The following IFT140 variants were observed in gnomAD, a reference collection of about 807,000 sequenced individuals.
IFT140 encodes intraflagellar transport 140, also known as intraflagellar transport protein 140 homolog.
In IFT140, 133 loss-of-function variants were observed where a neutral mutation model predicts 164.6. The ratio of observed to expected loss-of-function variants is 0.81; its 90% CI spans 0.70 to 0.93. The LOEUF (loss-of-function observed/expected upper bound fraction) is 0.93, where lower values mean the gene tolerates loss of function less well. IFT140 is among the 40% of genes least tolerant of loss of function. The pLI is 0.00. For synonymous variants in IFT140, 860 were observed against 817.3 expected (o/e 1.05, Z -0.89); for missense variants, 2,045 against 1,972.3 (o/e 1.04, Z -0.70).
At position 1,525,175 on chromosome 16, in the gene IFT140, C is replaced by T. The variant is rs2040647687; in HGVS notation, c.2864+56G>A. ...GAGCCGTCTCAGCAAGCCCTGGGGT[C>T]CCTGCAAACCTCCAGGATGGAGTGC... is the stretch of plus-strand genomic sequence containing the variant. On this transcript the variant is annotated intron_variant, in intron 22 of 30. Transcript: ENST00000426508. 4 of 1,394,038 alleles carry T rather than the reference C, an allele frequency of 2.9e-6. No individual in the cohort carries two copies. In the African/African-American group the frequency reaches 4.2e-5, roughly 15 times the overall value. 86.4% of individuals were successfully genotyped at this position (1,394,038 alleles called of 1,614,324 possible). A position where few individuals can be genotyped will look rare whatever the true frequency, so the allele number is the denominator to read the frequency against.
intron 19 of IFT140, among the ~76,000 whole-genome samples, chr16:1,549,038 G>C (rs904057475): frequency 6.6e-6 from 1 of 152,230 alleles, no homozygotes; most frequent in Non-Finnish European, 1.5e-5. Flanking sequence ...CGGTGCCCCT[G>C]CCTGCTCTGG....
intron 17 of IFT140, among the ~76,000 whole-genome samples, chr16:1,562,389 C>G (rs1328003003): frequency 6.6e-6 from 1 of 152,188 alleles, no homozygotes; most frequent in African/African-American, 2.4e-5. Context: ...AAAGGCTCAT[C>G]ATTCCCACCC....
chr16:1,566,757 TTC>T (rs2033740992), intron 15 of IFT140, among the ~76,000 whole-genome samples: 1 of 152,040 alleles, frequency 6.6e-6, no homozygotes, highest in Non-Finnish European at 1.5e-5. Flanking sequence ...ACCCTGTGCT[TTC>T]TCTCTCTTTT....
intron 18 of IFT140, among the ~76,000 whole-genome samples, chr16:1,558,725 C>T (rs1362102208): frequency 1.3e-5 from 2 of 152,248 alleles, no homozygotes; most frequent in South Asian, 2.1e-4. Context: ...GGGCTCTGCA[C>T]GCGCTCTCTG....
chr16:1,566,727 TC>T (rs1283105583), intron 15 of IFT140, among the ~76,000 whole-genome samples: 1 of 152,054 alleles, frequency 6.6e-6, no homozygotes, highest in East Asian at 1.9e-4. Flanking sequence ...CCCCGTGTTC[TC>T]CCCCATGGCA....
chr16:1,604,675 C>T (rs1475080243), intron 3 of IFT140, among the ~76,000 whole-genome samples: 1 of 152,072 alleles, frequency 6.6e-6, no homozygotes, highest in African/African-American at 2.4e-5. Flanking sequence ...GCACAGCTGC[C>T]ACAGTAGGAA....
chr16:1,517,343 C>T (rs2040391038), intron 30 of IFT140, among the ~76,000 whole-genome samples: 1 of 133,500 alleles, frequency 7.5e-6, no homozygotes, highest in African/African-American at 3.3e-5. Context: ...GAGTGAGACT[C>T]CGTCTCCAAA....
chr16:1,525,396 G>A, intron 21 of IFT140, 70 bp from the exon 22 acceptor site: 3 of 1,171,524 alleles, frequency 2.6e-6, no homozygotes, highest in Non-Finnish European at 3.8e-6. Context: ...GTGGGCTGAG[G>A]GGCAGCGTCG....
chr16:1,584,554 G>C, intron 10 of IFT140, 134 bp from the exon 11 acceptor site: 1 of 697,132 alleles, frequency 1.4e-6, no homozygotes, highest in East Asian at 2.7e-5. Context: ...CTTAAAAAAT[G>C]ATCTTATAAG....
intron 2 of IFT140, among the ~76,000 whole-genome samples, chr16:1,608,356 T>C (rs2036177767): frequency 1.3e-5 from 2 of 152,204 alleles, no homozygotes; most frequent in African/African-American, 4.8e-5. Flanking sequence ...TTTAAAATTA[T>C]ACAGGCTCAT....
chr16:1,600,856 C>CGGTT (rs2035758785), intron 4 of IFT140, among the ~76,000 whole-genome samples: 1 of 151,474 alleles, frequency 6.6e-6, no homozygotes, highest in African/African-American at 2.4e-5. Context: ...ATAAAACAAC[C>CGGTT]AGTCTACATC....
At chr16:1,591,661 CG>C (rs1853691440) in intron 6 of IFT140, among the ~76,000 whole-genome samples, 1 of 152,162 alleles carries the variant, frequency 6.6e-6, no homozygotes, top group Non-Finnish European at 1.5e-5. Context: ...CTGTCCCCCT[CG>C]TACAGTGAGG....
intron 12 of IFT140, 36 bp from the exon 13 acceptor site, chr16:1,580,886 T>C: frequency 3.5e-6 from 5 of 1,424,090 alleles, no homozygotes; most frequent in Non-Finnish European, 5.0e-6. Flanking sequence ...TGGCGGCCGC[T>C]CATCCGCCAG....
intron 19 of IFT140, among the ~76,000 whole-genome samples, chr16:1,537,150 A>C (rs562878709): frequency 2.0e-5 from 3 of 152,118 alleles, no homozygotes; most frequent in Admixed American, 2.0e-4. Flanking sequence ...TCACAATTCC[A>C]TCCCGAGAAC....
At chr16:1,587,373 A>C (rs1729113158) in intron 8 of IFT140, 69 bp from the exon 9 acceptor site, 6 of 951,030 alleles carry the variant, frequency 6.3e-6, no homozygotes, top group Non-Finnish European at 1.7e-6. Flanking sequence ...GGGGTTTTTG[A>C]ACCTGTGGAG....
At chr16:1,541,576 C>T (rs2141287385) in intron 19 of IFT140, 1 of 865,012 alleles carries the variant, frequency 1.2e-6, no homozygotes, top group East Asian at 1.2e-4. Flanking sequence ...TTCCCACCTC[C>T]ACCCCCACGC....
intron 29 of IFT140, among the ~76,000 whole-genome samples, chr16:1,518,729 C>T (rs1195650515): frequency 2.6e-5 from 4 of 151,766 alleles, no homozygotes; most frequent in Admixed American, 1.3e-4. Context: ...TGCCCAAGGC[C>T]GCTGGGAAGA....
chr16:1,581,470 C>A (rs762856968), intron 12 of IFT140, among the ~76,000 whole-genome samples: 10 of 151,392 alleles, frequency 6.6e-5, no homozygotes, highest in Admixed American at 2.6e-4. Context: ...TGTTGTGGTG[C>A]ATGCCTGTAA....
chr16:1,560,580 C>T (rs1306014815), intron 18 of IFT140, among the ~76,000 whole-genome samples: 1 of 150,382 alleles, frequency 6.6e-6, no homozygotes, highest in Non-Finnish European at 1.5e-5. Context: ...CGCCCGCGGT[C>T]CACCGTGGTG....
Sources: gnomAD v4.1 joint callset for allele counts (sites outside exome capture counted in the v4.1 genomes callset) on GRCh38, gnomAD v4.1.1 for gene constraint, MANE v1.5 for transcripts, NCBI Gene and HGNC (gene_info 2026-07-23, HGNC 2026-07-21) for gene names.